Variants in CNTN5 observed in about 807,000 individuals in gnomAD.
The protein encoded by CNTN5 is contactin-5.
In CNTN5, 77 loss-of-function variants were observed where a neutral mutation model predicts 129.1. The observed-to-expected ratio is 0.60, with a 90% CI of 0.50 to 0.72. The LOEUF (loss-of-function observed/expected upper bound fraction) is 0.72, where lower values mean the gene tolerates loss of function less well. Ranked by LOEUF, CNTN5 falls within the 30% of genes least tolerant of loss-of-function variation. The pLI is 0.00. For missense variants in CNTN5, 1,478 were observed against 1,328.8 expected, an observed-to-expected ratio of 1.11 and a Z score of -1.75; for synonymous variants, 509 against 465.6, an observed-to-expected ratio of 1.09 and a Z score of -1.20.
intron 2 of CNTN5, among the ~76,000 whole-genome samples, chr11:99,402,314 C>T (rs186847913): frequency 1.3e-4 from 20 of 152,116 alleles, no homozygotes; most frequent in Admixed American, 4.6e-4. Flanking sequence ...TTTTATAGTA[C>T]CAATTAAAAT....
intron 3 of CNTN5, among the ~76,000 whole-genome samples, chr11:99,673,254 A>G (rs1409627353): frequency 2.0e-5 from 3 of 152,314 alleles, no homozygotes; most frequent in East Asian, 1.9e-4. Context: ...GAAAAACATT[A>G]AAGTCTAATT....
intron 3 of CNTN5, among the ~76,000 whole-genome samples, chr11:99,752,601 T>C (rs1006159255): frequency 6.6e-6 from 1 of 152,248 alleles, no homozygotes; most frequent in Non-Finnish European, 1.5e-5. Context: ...CTATATTCAC[T>C]GTTTTCCATT....
intron 2 of CNTN5, among the ~76,000 whole-genome samples, chr11:99,373,840 A>C (rs903692579): frequency 6.6e-6 from 1 of 152,132 alleles, no homozygotes; most frequent in African/African-American, 2.4e-5. Context: ...AACATAATAA[A>C]ATATAAATTT....
intron 1 of CNTN5, among the ~76,000 whole-genome samples, chr11:99,225,301 GC>G (rs1216050310): frequency 6.6e-6 from 1 of 152,094 alleles, no homozygotes; most frequent in Non-Finnish European, 1.5e-5. Context: ...CTATAGGCCT[GC>G]GAGAGAAGAG....
At chr11:99,642,488 A>G (rs984315477) in intron 3 of CNTN5, among the ~76,000 whole-genome samples, 1 of 152,172 alleles carries the variant, frequency 6.6e-6, no homozygotes, top group Non-Finnish European at 1.5e-5. Context: ...ATTAGTTGAC[A>G]CATAGTAATT....
chr11:99,942,977 C>G (rs1421830065), intron 7 of CNTN5, among the ~76,000 whole-genome samples: 1 of 151,926 alleles, frequency 6.6e-6, no homozygotes. Flanking sequence ...GGTTCCAAGT[C>G]TTTGCTATTG....
intron 7 of CNTN5, among the ~76,000 whole-genome samples, chr11:99,929,415 G>A (rs1005147124): frequency 1.5e-4 from 23 of 152,068 alleles, no homozygotes; most frequent in African/African-American, 3.1e-4. Flanking sequence ...CCCACTCTCC[G>A]TGGTGCCAGT....
chr11:99,185,452 T>G (rs1858295171), intron 1 of CNTN5, among the ~76,000 whole-genome samples: 1 of 151,922 alleles, frequency 6.6e-6, no homozygotes, highest in South Asian at 2.1e-4. Flanking sequence ...ACTAATTCCT[T>G]AAAAAATAAA....
intron 6 of CNTN5, among the ~76,000 whole-genome samples, chr11:99,866,404 T>A (rs1384028242): frequency 6.6e-6 from 1 of 152,214 alleles, no homozygotes; most frequent in African/African-American, 2.4e-5. Context: ...CATTATTAGA[T>A]ACTTATATAT....
At chr11:99,844,783 A>T in intron 4 of CNTN5, 69 bp from the exon 5 acceptor site, 1 of 1,475,520 alleles carries the variant, frequency 6.8e-7, no homozygotes, top group South Asian at 1.3e-5. Flanking sequence ...AGTAAGATGG[A>T]AAAGAAAAAA....
intron 3 of CNTN5, among the ~76,000 whole-genome samples, chr11:99,597,447 T>C (rs1950160801): frequency 1.3e-5 from 2 of 152,200 alleles, no homozygotes; most frequent in South Asian, 4.1e-4. Context: ...CCAAAATATT[T>C]CAAGCCCGTC....
chr11:100,309,268 T>C, intron 21 of CNTN5: 1 of 983,956 alleles, frequency 1.0e-6, no homozygotes, highest in Non-Finnish European at 1.2e-6. Flanking sequence ...AAAATCATCT[T>C]GTGTCTTGAA....
chr11:99,736,063 T>C (rs980931637), intron 3 of CNTN5, among the ~76,000 whole-genome samples: 2 of 152,132 alleles, frequency 1.3e-5, no homozygotes, highest in Non-Finnish European at 2.9e-5. Flanking sequence ...TCCCTCTCTC[T>C]CTTTCTTTTT....
intron 3 of CNTN5, among the ~76,000 whole-genome samples, chr11:99,592,846 G>A (rs1480336129): frequency 2.0e-5 from 3 of 152,152 alleles, no homozygotes; most frequent in Admixed American, 1.3e-4. Flanking sequence ...AGTAGTCTGA[G>A]TAAGAAATGA....
At chr11:100,279,627 C>G (rs1304414007) in intron 18 of CNTN5, among the ~76,000 whole-genome samples, 1 of 151,760 alleles carries the variant, frequency 6.6e-6, no homozygotes, top group African/African-American at 2.4e-5. Flanking sequence ...CTCTAATGAT[C>G]CTTTGAATTT....
chr11:100,297,715 T>C lies in CNTN5; in HGVS notation c.2385+20T>C, dbSNP rs185029504. 3.2e-6 allele frequency: 5 copies of C among 1,550,942 alleles called. No individual in the cohort carries two copies. In the African/African-American group the frequency reaches 4.1e-5, roughly 13 times the overall value. On this transcript the variant is annotated intron_variant, in intron 19 of 24. Coordinates refer to ENST00000524871, the MANE Select transcript of CNTN5 (RefSeq NM_014361.4). ...TGGGAGGTAAGAAAAACACATCCTC[T>C]CACAAATTACTCCACGTGTTTGTTT...
intron 1 of CNTN5, among the ~76,000 whole-genome samples, chr11:99,308,546 A>G (rs1864970198): frequency 6.6e-6 from 1 of 152,184 alleles, no homozygotes; most frequent in Non-Finnish European, 1.5e-5. Context: ...AAAATATAGA[A>G]CTTTCAGAAC....
At chr11:99,644,666 A>G (rs962295799) in intron 3 of CNTN5, among the ~76,000 whole-genome samples, 1 of 152,180 alleles carries the variant, frequency 6.6e-6, no homozygotes, top group Non-Finnish European at 1.5e-5. Flanking sequence ...CAATTCAACT[A>G]AATTTATTTT....
intron 13 of CNTN5, among the ~76,000 whole-genome samples, chr11:100,128,341 A>C (rs1946262887): frequency 6.6e-6 from 1 of 152,080 alleles, no homozygotes; most frequent in African/African-American, 2.4e-5. Context: ...TACCACATCT[A>C]ATCAATCAGT....
Sources: allele counts gnomAD v4.1 joint callset (sites outside exome capture counted in the v4.1 genomes callset), GRCh38; gene constraint gnomAD v4.1.1; transcripts MANE v1.5; gene names NCBI Gene and HGNC (gene_info 2026-07-23, HGNC 2026-07-21).